ADCY1: variants seen among roughly 807,000 people sequenced by gnomAD.
ADCY1 encodes the protein adenylate cyclase type 1.
ADCY1 carries 28 observed loss-of-function variants against 105.4 expected under a neutral mutation model. That is an observed-to-expected ratio of 0.27 (90% CI 0.20 to 0.36). ADCY1 has a LOEUF of 0.36. ADCY1 is among the 10% of genes least tolerant of loss of function. The pLI, the probability that ADCY1 is intolerant of heterozygous loss-of-function variation, is 1.00. For missense variants in ADCY1, 977 were observed against 1,434.2 expected (o/e 0.68, Z 5.15); for synonymous variants, 655 against 623.8 (o/e 1.05, Z -0.75).
chr7:45,673,195 GA>G (rs906739226), intron 8 of ADCY1, among the ~76,000 whole-genome samples: 4 of 145,852 alleles, frequency 2.7e-5, no homozygotes, highest in East Asian at 1.9e-4. Context: ...TATTTTGTTA[GA>G]TTTTTTTTAT....
At chr7:45,701,168 A>G (rs1273867884) in intron 14 of ADCY1, among the ~76,000 whole-genome samples, 1 of 152,224 alleles carries the variant, frequency 6.6e-6, no homozygotes, top group East Asian at 1.9e-4. Flanking sequence ...CCTGGTGGGA[A>G]AATCTTATAG....
chr7:45,664,787 A>C (rs1795226005), intron 8 of ADCY1: 1 of 187,026 alleles, frequency 5.3e-6, no homozygotes, highest in South Asian at 1.2e-4. Flanking sequence ...TTTTACTTTA[A>C]GTTCTGGGAT....
chr7:45,712,314 C>A lies in ADCY1; in HGVS notation c.3058-1379C>A, dbSNP rs549350812. Among the ~76,000 whole-genome samples the A allele has an allele frequency of 5.6e-4, 83 of 149,424 alleles. 1 individual carries two copies. Among genetic ancestry groups the A allele is most frequent in the African/African-American group, 2.0e-3 (82 of 40,616 alleles). On this transcript the variant is annotated intron_variant, in intron 19 of 19. Coordinates refer to ENST00000297323, the MANE Select transcript of ADCY1 (RefSeq NM_021116.4). ...GTATCCTGCACCCTTCTGCAGGATT[C>A]CCCCAAAACTGGACTTGCCAGGGGA...
chr7:45,626,573 C>T (rs1406020242), intron 4 of ADCY1, among the ~76,000 whole-genome samples: 1 of 152,178 alleles, frequency 6.6e-6, no homozygotes. Flanking sequence ...CACGTGCCCA[C>T]GAGGAGCACA....
At chr7:45,606,869 T>G (rs1271738672) in intron 2 of ADCY1, among the ~76,000 whole-genome samples, 1 of 152,242 alleles carries the variant, frequency 6.6e-6, no homozygotes, top group African/African-American at 2.4e-5. Flanking sequence ...CTATTTAAAT[T>G]ATTTTGTTGG....
chr7:45,625,071 C>T (rs1019356354), intron 4 of ADCY1, among the ~76,000 whole-genome samples: 1 of 152,186 alleles, frequency 6.6e-6, no homozygotes, highest in African/African-American at 2.4e-5. Context: ...GAAGTGCTGG[C>T]TCCTAGGAGA....
intron 3 of ADCY1, among the ~76,000 whole-genome samples, chr7:45,610,813 G>A (rs1397409331): frequency 2.0e-5 from 3 of 149,956 alleles, no homozygotes; most frequent in Non-Finnish European, 4.5e-5. Flanking sequence ...GGTGATGGTG[G>A]AGGTATGGAG....
At position 45,717,398 on chromosome 7, in the gene ADCY1, C is replaced by G. The variant is rs2280496; in HGVS notation, c.*3403C>G. 24,970 of 152,544 alleles carry G rather than the reference C, an allele frequency of 0.16. 2,618 individuals are homozygous for G. Among genetic ancestry groups the G allele is most frequent in the Non-Finnish European group, 0.23 (15,399 of 67,974 alleles). 9.4% of individuals were successfully genotyped at this position (152,544 alleles called of 1,614,324 possible). ...CTTGGGGTTTGGTGAAAAACAACTT[C>G]CTTTTTATTTGTGGGAAAACTGTAT... On this transcript the variant is annotated 3_prime_UTR_variant, in exon 20 of 20. Coordinates refer to ENST00000297323, the MANE Select transcript of ADCY1 (RefSeq NM_021116.4).
At chr7:45,604,627 G>A (rs758093395) in intron 2 of ADCY1, among the ~76,000 whole-genome samples, 1 of 152,062 alleles carries the variant, frequency 6.6e-6, no homozygotes, top group African/African-American at 2.4e-5. Flanking sequence ...AAAATTTGTT[G>A]CGCATATTTG....
At chr7:45,690,496 C>A (rs1467140842) in intron 14 of ADCY1, among the ~76,000 whole-genome samples, 4 of 152,222 alleles carry the variant, frequency 2.6e-5, no homozygotes, top group African/African-American at 9.6e-5. Context: ...ATGCTCTCCT[C>A]CCTCGCTACT....
At chr7:45,594,940 C>A (rs1028855162) in intron 2 of ADCY1, among the ~76,000 whole-genome samples, 1 of 152,116 alleles carries the variant, frequency 6.6e-6, no homozygotes, top group Non-Finnish European at 1.5e-5. Context: ...TTTTGCTTAT[C>A]ATTTTGCACA....
In ADCY1 at chr7:45,704,528, A is replaced by G; in HGVS notation, c.2729A>G (p.Lys910Arg). The G allele has an allele frequency of 6.2e-7, 1 of 1,614,084 alleles. No individual in the cohort carries two copies. Residue 910 changes from lysine to arginine, a missense_variant, in exon 17 of 20, where the codon AAA becomes AGA. By Grantham distance (26) the Lys-to-Arg change is conservative. Coordinates refer to ENST00000297323, the MANE Select transcript of ADCY1 (RefSeq NM_021116.4). ...IIADFDELME[K>R]DFYKDIEKIK... ...ATGTTTTAAACAAAGCTCATGGAAA[A>G]AGACTTTTACAAGGACATAGAGAAG...
chr7:45,640,300 A>G (rs1265163308), intron 4 of ADCY1, among the ~76,000 whole-genome samples: 2 of 152,248 alleles, frequency 1.3e-5, no homozygotes, highest in East Asian at 1.9e-4. Flanking sequence ...CGCTTAAGAC[A>G]GAACCTCTCC....
chr7:45,607,548 G>T (rs920377331), intron 2 of ADCY1, among the ~76,000 whole-genome samples: 1 of 152,162 alleles, frequency 6.6e-6, no homozygotes, highest in Non-Finnish European at 1.5e-5. Flanking sequence ...CATAACCCGG[G>T]TACTAAAGCA....
Position 45,678,223 on chromosome 7 carries a change from G to A in ADCY1, c.1858G>A (p.Ala620Thr), listed in dbSNP as rs1337395164. ...CGCCGTTGTCCTCACCCTCATCCTGGCTGCCTTATTTGGCCTTGTCTACCT... is the reference window on the plus strand; with the variant it reads ...CGCCGTTGTCCTCACCCTCATCCTGACTGCCTTATTTGGCCTTGTCTACCT... ...TSAVVLTLIL[A>T]ALFGLVYLLI... The change falls in exon 10 of 20, where the codon GCT becomes ACT. Residue 620 changes from alanine (A) to threonine (T), a missense_variant. By Grantham distance (58) the Ala-to-Thr change is moderately conservative. Coordinates refer to ENST00000297323, the MANE Select transcript of ADCY1 (RefSeq NM_021116.4). 6.2e-7 allele frequency: 1 copy of A among 1,613,966 alleles called. No homozygotes were observed. The highest frequency in any genetic ancestry group is 2.2e-5 in the East Asian group (1 of 44,890).
intron 1 of ADCY1, among the ~76,000 whole-genome samples, chr7:45,590,179 T>C (rs562171714): frequency 6.6e-6 from 1 of 152,150 alleles, no homozygotes; most frequent in South Asian, 2.1e-4. Flanking sequence ...GGAGGGTCGG[T>C]CATCTTGACA....
Position 45,710,424 on chromosome 7 carries a change from A to C in ADCY1, c.2933-104A>C. The C allele has an allele frequency of 6.6e-7, 1 of 1,504,956 alleles. No individual in the cohort carries two copies. Among genetic ancestry groups the C allele is most frequent in the Non-Finnish European group, 9.0e-7 (1 of 1,114,638 alleles). 93.2% of individuals were successfully genotyped at this position (1,504,956 alleles called of 1,614,324 possible). On this transcript the variant is annotated intron_variant, in intron 18 of 19. Transcript: ENST00000297323. The surrounding 1 kb of genome is among the most constrained non-coding windows in gnomAD (Gnocchi z 4.7). The stretch of plus-strand genomic sequence containing the variant: ...CAGGAAACAAAGCCCTGAAAGGAGC[A>C]GCCTTTTCTCCACCAGGAGCAGCAT...
chr7:45,640,742 G>A (rs193277010), intron 4 of ADCY1, among the ~76,000 whole-genome samples: 1 of 152,156 alleles, frequency 6.6e-6, no homozygotes, highest in African/African-American at 2.4e-5. Flanking sequence ...TTCTATAGGG[G>A]ACCAAACATC....
At chr7:45,666,573 T>A (rs991988828) in intron 8 of ADCY1, among the ~76,000 whole-genome samples, 1 of 152,244 alleles carries the variant, frequency 6.6e-6, no homozygotes, top group Non-Finnish European at 1.5e-5. Context: ...TTGTGAATAG[T>A]GCCGCAATAA....
Sources: gnomAD v4.1 joint callset for allele counts (sites outside exome capture counted in the v4.1 genomes callset) on GRCh38, gnomAD v4.1.1 for gene constraint, Gnocchi (gnomAD v3.1) non-coding constraint, MANE v1.5 for transcripts, NCBI Gene and HGNC (gene_info 2026-07-23, HGNC 2026-07-21) for gene names.